Variants in QKI observed in about 807,000 individuals in gnomAD.
The protein encoded by QKI is QKI, KH domain containing RNA binding.
QKI carries 10 observed loss-of-function variants against 39.0 expected under a neutral mutation model. The ratio of observed to expected loss-of-function variants is 0.26; its 90% CI spans 0.16 to 0.43. The LOEUF (loss-of-function observed/expected upper bound fraction) is 0.43. QKI is among the 20% of genes least tolerant of loss of function. QKI has a pLI of 1.00. For synonymous variants in QKI, 204 were observed against 155.4 expected, an observed-to-expected ratio of 1.31 and a Z score of -2.33; for missense variants, 218 against 428.0, an observed-to-expected ratio of 0.51 and a Z score of 4.33.
At chr6:163,501,542 A>G (rs889910001) in intron 3 of QKI, among the ~76,000 whole-genome samples, 6 of 152,286 alleles carry the variant, frequency 3.9e-5, no homozygotes, top group East Asian at 1.9e-4. Context: ...GTTCCATGCA[A>G]GCTAGCCTGA....
chr6:163,556,189 GTTTGTATCC>G lies in QKI; in HGVS notation c.547-5789_547-5781del, dbSNP rs1782594406. Among the ~76,000 whole-genome samples the G allele has an allele frequency of 2.0e-5, 3 of 152,322 alleles. No individual in the cohort carries two copies. In the South Asian group the frequency reaches 6.2e-4, roughly 32 times the overall value. ...GTATAAATTACATTAAACGTGACCT[GTTTGTATCC>G]TTTTAACATAGCTGTTAAACATAGT... On this transcript the variant is annotated intron_variant, in intron 4 of 7. Coordinates refer to ENST00000361752, the MANE Select transcript of QKI (RefSeq NM_006775.3).
chr6:163,433,701 A>C (rs953298461), intron 1 of QKI, among the ~76,000 whole-genome samples: 7 of 152,100 alleles, frequency 4.6e-5, no homozygotes, highest in Non-Finnish European at 8.8e-5. Flanking sequence ...TGGGAGGCAG[A>C]GGTTGCAGTG....
intron 3 of QKI, among the ~76,000 whole-genome samples, chr6:163,515,312 A>G (rs1051003541): frequency 1.7e-4 from 26 of 151,950 alleles, no homozygotes; most frequent in Admixed American, 1.3e-4. Context: ...GGCACTGTCA[A>G]CTAATAGTGT....
At position 163,572,828 on chromosome 6, in the gene QKI, T is replaced by G. The variant is rs1031386905; in HGVS notation, c.*2118T>G. The G allele has an allele frequency of 2.6e-5, 4 of 152,122 alleles. No homozygotes were observed. Among genetic ancestry groups the G allele is most frequent in the African/African-American group, 9.7e-5 (4 of 41,426 alleles). The allele number at this position is 152,122 out of a possible 1,614,324, so 9.4% of individuals were successfully genotyped here. A position where few individuals can be genotyped will look rare whatever the true frequency, so the allele number is the denominator to read the frequency against. On this transcript the variant is annotated 3_prime_UTR_variant, in exon 8 of 8. Coordinates refer to ENST00000361752, the MANE Select transcript of QKI (RefSeq NM_006775.3). ...CGTTGTCAGTTTATTTACTATGCAA[T>G]AGACATTCATTGTTTTGTATCCAGC...
At chr6:163,499,615 C>G (rs1194230146) in intron 3 of QKI, among the ~76,000 whole-genome samples, 1 of 152,164 alleles carries the variant, frequency 6.6e-6, no homozygotes, top group Non-Finnish European at 1.5e-5. Flanking sequence ...TTGTCTCCCT[C>G]ATACAATGTT....
chr6:163,419,259 C>T (rs570157625), intron 1 of QKI, among the ~76,000 whole-genome samples: 7 of 151,874 alleles, frequency 4.6e-5, no homozygotes, highest in East Asian at 1.9e-4. Flanking sequence ...ATTTTCACTT[C>T]TTCTGCCTCT....
intron 4 of QKI, among the ~76,000 whole-genome samples, chr6:163,540,729 T>A (rs1378760079): frequency 6.6e-6 from 1 of 152,112 alleles, no homozygotes; most frequent in African/African-American, 2.4e-5. Flanking sequence ...ACCAGTTTAG[T>A]TTCAGATGTT....
At chr6:163,492,847 A>G (rs987145430) in intron 3 of QKI, among the ~76,000 whole-genome samples, 1 of 152,194 alleles carries the variant, frequency 6.6e-6, no homozygotes, top group Admixed American at 6.5e-5. Flanking sequence ...CACATTGTTT[A>G]GAACGTTTAA....
chr6:163,471,750 C>T (rs1176635476), intron 2 of QKI, among the ~76,000 whole-genome samples: 1 of 151,966 alleles, frequency 6.6e-6, no homozygotes, highest in East Asian at 1.9e-4. Context: ...AAGTAGAGGA[C>T]ATAGAAAACA....
At chr6:163,570,597 C>T (rs1439252412) in intron 7 of QKI, 97 bp from the exon 8 acceptor site, 4 of 1,563,524 alleles carry the variant, frequency 2.6e-6, no homozygotes, top group Middle Eastern at 1.7e-4. Flanking sequence ...ATTAGTTTTT[C>T]ATGTTGTCAT....
At chr6:163,507,857 C>G (rs1476877184) in intron 3 of QKI, among the ~76,000 whole-genome samples, 1 of 151,952 alleles carries the variant, frequency 6.6e-6, no homozygotes, top group Non-Finnish European at 1.5e-5. Flanking sequence ...CAGCTGATAC[C>G]AACCATTACA....
intron 3 of QKI, among the ~76,000 whole-genome samples, chr6:163,494,750 T>G (rs1239086654): frequency 2.6e-5 from 4 of 151,934 alleles, no homozygotes; most frequent in Non-Finnish European, 5.9e-5. Context: ...TCAAGCATAG[T>G]GCTGAGGTGG....
At chr6:163,518,084 G>A (rs1779939724) in intron 3 of QKI, among the ~76,000 whole-genome samples, 1 of 152,128 alleles carries the variant, frequency 6.6e-6, no homozygotes, top group African/African-American at 2.4e-5. Flanking sequence ...TAATTCAGGA[G>A]GTTTTTGCCA....
At chr6:163,447,152 G>C (rs1790216238) in intron 1 of QKI, among the ~76,000 whole-genome samples, 1 of 151,804 alleles carries the variant, frequency 6.6e-6, no homozygotes, top group Admixed American at 6.6e-5. Context: ...AAGCTGGTTA[G>C]ACTAGCTGTG....
At chr6:163,542,106 G>T (rs1781558353) in intron 4 of QKI, among the ~76,000 whole-genome samples, 3 of 151,652 alleles carry the variant, frequency 2.0e-5, no homozygotes, top group Admixed American at 2.0e-4. Context: ...GTCAATATAG[G>T]TTTTTATTTA....
At chr6:163,558,661 A>C (rs141769337) in intron 4 of QKI, among the ~76,000 whole-genome samples, 4,231 of 152,066 alleles carry the variant, frequency 0.028, 193 homozygotes, top group African/African-American at 0.096. Flanking sequence ...AGCCTCCCAA[A>C]GTGTTGGGAT....
chr6:163,422,052 G>A (rs1298991950), intron 1 of QKI, among the ~76,000 whole-genome samples: 5 of 152,160 alleles, frequency 3.3e-5, no homozygotes, highest in Non-Finnish European at 7.3e-5. Flanking sequence ...GATTACAGGC[G>A]TGAGCCACCA....
At chr6:163,423,014 C>A (rs7772756) in intron 1 of QKI, 25,004 of 152,146 alleles carry the variant, frequency 0.16, 2,469 homozygotes, top group Admixed American at 0.33. Context: ...AATTTGAAAC[C>A]GAGCCTGGTG....
At chr6:163,453,932 A>T (rs1418636565) in intron 1 of QKI, among the ~76,000 whole-genome samples, 1 of 152,110 alleles carries the variant, frequency 6.6e-6, no homozygotes, top group Non-Finnish European at 1.5e-5. Context: ...GCTGTGTTGG[A>T]TTTTATTTAA....
Sources: gnomAD v4.1 joint callset for allele counts (sites outside exome capture counted in the v4.1 genomes callset) on GRCh38, gnomAD v4.1.1 for gene constraint, MANE v1.5 for transcripts, NCBI Gene and HGNC (gene_info 2026-07-23, HGNC 2026-07-21) for gene names.